The following TRIM27 variants were observed in gnomAD, a reference collection of about 807,000 sequenced individuals.
TRIM27 encodes the protein zinc finger protein RFP.
TRIM27 carries 12 observed loss-of-function variants against 57.6 expected under a neutral mutation model. That is an observed-to-expected ratio of 0.21 (90% CI 0.13 to 0.34). The LOEUF (loss-of-function observed/expected upper bound fraction) is 0.34, where lower values mean the gene tolerates loss of function less well. TRIM27 is among the 10% of genes least tolerant of loss of function. The pLI is 1.00. For synonymous variants in TRIM27, 266 were observed against 259.0 expected, an observed-to-expected ratio of 1.03 and a Z score of -0.26; for missense variants, 403 against 656.8, an observed-to-expected ratio of 0.61 and a Z score of 4.22.
chr6:28,903,773 TCC>T lies in TRIM27; in HGVS notation c.*295_*296del. ...GAAGTATCTTGAACGGCTCTCCAAA[TCC>T]AAAGATTATCCATACTCTTTATCCC... On this transcript the variant is annotated 3_prime_UTR_variant, in exon 8 of 8. Transcript: ENST00000377199. 4.9e-6 allele frequency: 2 copies of T among 406,938 alleles called. No homozygotes were observed. Among genetic ancestry groups the T allele is most frequent in the Non-Finnish European group, 8.8e-6 (2 of 228,210 alleles). 25.2% of individuals were successfully genotyped at this position (406,938 alleles called of 1,614,324 possible).
chr6:28,923,562 G>A lies in TRIM27; in HGVS notation c.71C>T (p.Ala24Val), dbSNP rs1774229364. 3.1e-6 allele frequency: 5 copies of A among 1,610,624 alleles called. No individual in the cohort carries two copies. Among genetic ancestry groups the A allele is most frequent in the East Asian group, 2.2e-5 (1 of 44,802 alleles). ...TTCPVCLQYF[A>V]EPMMLDCGHN... ...GCCGCAGTCGAGCATCATGGGCTCT[G>A]CGAAGTACTGCAGGCACACGGGGCA... Residue 24 changes from alanine to valine, a missense_variant, in exon 1 of 8, where the codon GCA becomes GTA. Transcript: ENST00000377199.
chr6:28,908,714 G>GTA, intron 6 of TRIM27, 94 bp downstream of exon 6: 2 of 1,204,840 alleles, frequency 1.7e-6, no homozygotes, highest in South Asian at 2.5e-5. Flanking sequence ...TGGCCAATGG[G>GTA]TATCACCCTT....
chr6:28,918,576 AC>A (rs1168498080), intron 3 of TRIM27, among the ~76,000 whole-genome samples: 3 of 152,094 alleles, frequency 2.0e-5, no homozygotes, highest in Admixed American at 2.0e-4. Flanking sequence ...TCTGATTTTT[AC>A]CATTTAAAAA....
At chr6:28,923,083 G>T in intron 1 of TRIM27, 130 bp downstream of exon 1, 2 of 1,101,328 alleles carry the variant, frequency 1.8e-6, no homozygotes, top group Non-Finnish European at 1.3e-6. Flanking sequence ...GGAGCGGACA[G>T]AGAGGAAATG....
At chr6:28,913,180 G>A (rs1245171372) in intron 3 of TRIM27, among the ~76,000 whole-genome samples, 2 of 151,136 alleles carry the variant, frequency 1.3e-5, no homozygotes, top group African/African-American at 2.4e-5. Context: ...GCTTGAACCC[G>A]GGAGGCAGAG....
chr6:28,919,936 C>A, intron 3 of TRIM27, 76 bp downstream of exon 3: 1 of 1,399,240 alleles, frequency 7.1e-7, no homozygotes, highest in Non-Finnish European at 9.7e-7. Context: ...ACAGGGGGTC[C>A]TGGATACTAC....
chr6:28,922,556 TAC>T (rs1774127466), intron 1 of TRIM27, among the ~76,000 whole-genome samples: 1 of 152,178 alleles, frequency 6.6e-6, no homozygotes, highest in South Asian at 2.1e-4. Flanking sequence ...GTACAGAAAA[TAC>T]ACAGTATCAT....
Position 28,904,751 on chromosome 6 carries a change from A to C in TRIM27, c.947-86T>G. On this transcript the variant is annotated intron_variant, in intron 7 of 7. Transcript: ENST00000377199. The surrounding 1 kb of genome is among the most constrained non-coding windows in gnomAD (Gnocchi z 6.1). Reference sequence around the variant, plus strand: ...AGCGCCTTTCTACTACCTCCCCAATAATAAGAGGTTCCCACTGGAGGTTGC... The same window carrying C: ...AGCGCCTTTCTACTACCTCCCCAATCATAAGAGGTTCCCACTGGAGGTTGC... The C allele has an allele frequency of 1.1e-6, 1 of 916,432 alleles. No individual in the cohort carries two copies. Among genetic ancestry groups the C allele is most frequent in the Non-Finnish European group, 1.6e-6 (1 of 621,786 alleles). 56.8% of individuals were successfully genotyped at this position (916,432 alleles called of 1,614,324 possible).
intron 4 of TRIM27, among the ~76,000 whole-genome samples, chr6:28,909,527 C>A (rs1773024528): frequency 6.6e-6 from 1 of 152,218 alleles, no homozygotes; most frequent in African/African-American, 2.4e-5. Flanking sequence ...CCCACCTTCT[C>A]TTCCTGAGCT....
At position 28,904,366 on chromosome 6, in the gene TRIM27, C is replaced by G; in HGVS notation, c.1246G>C (p.Glu416Gln). The change falls in exon 8 of 8, where the codon GAA (glutamate) becomes CAA (glutamine). Residue 416 changes from glutamate to glutamine, a missense_variant. By Grantham distance (29) the Glu-to-Gln change is conservative. Coordinates refer to ENST00000377199, the MANE Select transcript of TRIM27 (RefSeq NM_006510.5). This position sits in a 1 kb window ranked among gnomAD's most constrained non-coding sequence, Gnocchi z 6.1. The stretch of plus-strand genomic sequence containing the variant: ...ATTGGGGAGGTAAGAGCCCAATATT[C>G]TTTCCCATACCACAAAGACACTGCC... ...FWAVSLWYGK[E>Q]YWALTSPMTA... 6.2e-7 allele frequency: 1 copy of G among 1,613,048 alleles called. No individual in the cohort carries two copies. Among genetic ancestry groups the G allele is most frequent in the Non-Finnish European group, 8.5e-7 (1 of 1,180,024 alleles).
At chr6:28,913,375 T>G (rs948260132) in intron 3 of TRIM27, among the ~76,000 whole-genome samples, 4 of 151,108 alleles carry the variant, frequency 2.6e-5, no homozygotes, top group Non-Finnish European at 5.9e-5. Flanking sequence ...TATCAAACAC[T>G]AGCTTTTATT....
intron 2 of TRIM27, among the ~76,000 whole-genome samples, chr6:28,920,986 C>T (rs751476449): frequency 6.6e-6 from 1 of 152,186 alleles, no homozygotes; most frequent in African/African-American, 2.4e-5. Flanking sequence ...GCTCTCCCCA[C>T]GATTCCCTCT....
chr6:28,911,926 C>T (rs1773236488), intron 3 of TRIM27, among the ~76,000 whole-genome samples: 1 of 152,144 alleles, frequency 6.6e-6, no homozygotes, highest in African/African-American at 2.4e-5. Context: ...ACCAGCATTT[C>T]CCATACCCTC....
chr6:28,913,759 T>A (rs142797893), intron 3 of TRIM27, among the ~76,000 whole-genome samples: 7 of 152,172 alleles, frequency 4.6e-5, no homozygotes, highest in African/African-American at 1.7e-4. Context: ...TATTTGTGCC[T>A]TCAACCCATT....
Position 28,923,615 on chromosome 6 carries a change from C to T in TRIM27, c.18G>A (p.Val6=). 6.3e-7 allele frequency: 1 copy of T among 1,591,854 alleles called. No homozygotes were observed. ...TGGTCTCCTGCTGCAGGCACTCGGC[C>T]ACACTCCCGGAGGCCATGGCGCCGG... MASGS[V]AECLQQETTC... The change falls in exon 1 of 8, where the codon GTG becomes GTA. Residue 6 remains valine, a synonymous_variant. Transcript: ENST00000377199.
Position 28,923,821 on chromosome 6 carries a change from G to A in TRIM27, c.-189C>T, listed in dbSNP as rs1774264677. 2 of 618,828 alleles carry A rather than the reference G, an allele frequency of 3.2e-6. No individual in the cohort carries two copies. Among genetic ancestry groups the A allele is most frequent in the African/African-American group, 1.9e-5 (1 of 51,514 alleles). 38.3% of individuals were successfully genotyped at this position (618,828 alleles called of 1,614,324 possible). On this transcript the variant is annotated 5_prime_UTR_variant, in exon 1 of 8. Coordinates refer to ENST00000377199, the MANE Select transcript of TRIM27 (RefSeq NM_006510.5). The stretch of plus-strand genomic sequence containing the variant: ...GCTTGGAGTGGCCGGGCCGATGCCT[G>A]CGCCTGTGCCCCCTAAGCGAGAGCG...
At chr6:28,917,926 A>C (rs1773735856) in intron 3 of TRIM27, among the ~76,000 whole-genome samples, 1 of 151,566 alleles carries the variant, frequency 6.6e-6, no homozygotes, top group South Asian at 2.1e-4. Flanking sequence ...TCACTGGTTC[A>C]AGCGATTCTC....
intron 4 of TRIM27, among the ~76,000 whole-genome samples, chr6:28,910,123 G>GAAAAAAAAAAAAAAAAAAAAAAGA (rs9278120): frequency 3.6e-4 from 35 of 97,446 alleles, no homozygotes; most frequent in East Asian, 5.6e-4. Context: ...AAAGAAAAAT[G>GAAAAAAAAAAAAAAAAAAAAAAGA]AAAAAAAAAA....
rs570507344 is a variant in TRIM27, at chr6:28,913,311, G to A, written c.748-1593C>T. Reference sequence around the variant, plus strand: ...ATAATATACGTATGTATATGTGTGTGTATATACATAGATATATATAATAGT... The same window carrying A: ...ATAATATACGTATGTATATGTGTGTATATATACATAGATATATATAATAGT... On this transcript the variant is annotated intron_variant, in intron 3 of 7. Transcript: ENST00000377199. 1.8e-3 allele frequency among the ~76,000 whole-genome samples: 267 copies of A among 148,656 alleles called. 3 individuals are homozygous for A. The highest frequency in any genetic ancestry group is 6.2e-3 in the African/African-American group (253 of 40,620).
Sources: gnomAD v4.1 joint callset for allele counts (sites outside exome capture counted in the v4.1 genomes callset) on GRCh38, gnomAD v4.1.1 for gene constraint, Gnocchi (gnomAD v3.1) non-coding constraint, MANE v1.5 for transcripts, NCBI Gene and HGNC (gene_info 2026-07-23, HGNC 2026-07-21) for gene names.